Variants in SULF1 observed in about 807,000 individuals in gnomAD.
SULF1 encodes sulfatase 1.
Under a neutral mutation model 110.5 loss-of-function variants are expected in SULF1, and 46 were observed. That is an observed-to-expected ratio of 0.42 (90% CI 0.33 to 0.53). The LOEUF (loss-of-function observed/expected upper bound fraction) is 0.53, where lower values mean the gene tolerates loss of function less well. Ranked by LOEUF, SULF1 falls within the 20% of genes least tolerant of loss-of-function variation. SULF1 has a pLI of 0.12. For missense variants in SULF1, 941 were observed against 1,094.2 expected, an observed-to-expected ratio of 0.86 and a Z score of 1.98; for synonymous variants, 371 against 387.1, an observed-to-expected ratio of 0.96 and a Z score of 0.49.
chr8:69,625,067 C>CA (rs1809896074), intron 15 of SULF1, among the ~76,000 whole-genome samples: 1 of 152,160 alleles, frequency 6.6e-6, no homozygotes, highest in African/African-American at 2.4e-5. Flanking sequence ...CCCCACATCC[C>CA]ACCTACTGTC....
At chr8:69,612,513 A>ATTGTTTTGAT (rs1808743104) in intron 13 of SULF1, among the ~76,000 whole-genome samples, 1 of 151,442 alleles carries the variant, frequency 6.6e-6, no homozygotes, top group Non-Finnish European at 1.5e-5. Flanking sequence ...GCCAACATCT[A>ATTGTTTTGAT]TTGTTTTGTT....
intron 2 of SULF1, among the ~76,000 whole-genome samples, chr8:69,500,416 G>A (rs1046158852): frequency 6.6e-6 from 1 of 152,076 alleles, no homozygotes; most frequent in African/African-American, 2.4e-5. Context: ...CTGGTATTCC[G>A]GCATCTCATT....
At chr8:69,633,130 G>A (rs994720409) in intron 19 of SULF1, among the ~76,000 whole-genome samples, 11 of 152,092 alleles carry the variant, frequency 7.2e-5, no homozygotes, top group African/African-American at 2.7e-4. Flanking sequence ...ATATTCTTTG[G>A]AGGTCCAAAA....
At chr8:69,617,711 C>T (rs370778615) in intron 13 of SULF1, among the ~76,000 whole-genome samples, 7 of 151,902 alleles carry the variant, frequency 4.6e-5, no homozygotes, top group African/African-American at 1.7e-4. Context: ...ATGAACAGGC[C>T]GCATGCAGTT....
At chr8:69,549,896 C>T (rs1266509024) in intron 3 of SULF1, among the ~76,000 whole-genome samples, 1 of 152,040 alleles carries the variant, frequency 6.6e-6, no homozygotes, top group Non-Finnish European at 1.5e-5. Flanking sequence ...CCAGTGCACT[C>T]TCTCACCCAG....
intron 12 of SULF1, 99 bp from the exon 13 acceptor site, chr8:69,604,704 T>C: frequency 6.8e-7 from 1 of 1,468,410 alleles, no homozygotes; most frequent in Non-Finnish European, 9.3e-7. Context: ...TTAAAGAATG[T>C]GGAGTCATGT....
At chr8:69,500,804 G>A (rs917705813) in intron 2 of SULF1, among the ~76,000 whole-genome samples, 9 of 152,116 alleles carry the variant, frequency 5.9e-5, no homozygotes, top group Non-Finnish European at 1.3e-4. Flanking sequence ...TAGCGGCGGC[G>A]GAGTTTCACT....
At chr8:69,531,089 C>A (rs1287387037) in intron 3 of SULF1, among the ~76,000 whole-genome samples, 1 of 152,102 alleles carries the variant, frequency 6.6e-6, no homozygotes, top group Non-Finnish European at 1.5e-5. Flanking sequence ...GATCAAGAGA[C>A]ATATTTGGGA....
chr8:69,660,068 GCTCT>G lies in SULF1; in HGVS notation c.*1538_*1541del, dbSNP rs1813010344. The G allele has an allele frequency of 6.6e-6, 1 of 152,548 alleles. No homozygotes were observed. The highest frequency in any genetic ancestry group is 1.5e-5 in the Non-Finnish European group (1 of 68,014). 9.4% of individuals were successfully genotyped at this position (152,548 alleles called of 1,614,324 possible). Reference sequence around the variant, plus strand: ...TAAGTAAACAAAATGAAGATTGCCTGCTCTCTCTGTGCCTAGCCTCAAAGCGTTC... The same window carrying G: ...TAAGTAAACAAAATGAAGATTGCCTGCTCTGTGCCTAGCCTCAAAGCGTTC... On this transcript the variant is annotated 3_prime_UTR_variant, in exon 23 of 23. Coordinates refer to ENST00000402687, the MANE Select transcript of SULF1 (RefSeq NM_001128205.2).
At chr8:69,619,660 C>G (rs1001378908) in intron 13 of SULF1, among the ~76,000 whole-genome samples, 7 of 152,200 alleles carry the variant, frequency 4.6e-5, no homozygotes, top group African/African-American at 1.7e-4. Flanking sequence ...AGCAGCATGC[C>G]CACTCTCTGC....
At chr8:69,591,565 A>C (rs1403608983) in intron 8 of SULF1, among the ~76,000 whole-genome samples, 1 of 150,524 alleles carries the variant, frequency 6.6e-6, no homozygotes, top group African/African-American at 2.4e-5. Flanking sequence ...CTCTGTCTTA[A>C]AAAAAAAAAC....
At chr8:69,595,989 A>G (rs1807288751) in intron 8 of SULF1, among the ~76,000 whole-genome samples, 1 of 152,190 alleles carries the variant, frequency 6.6e-6, no homozygotes, top group Admixed American at 6.5e-5. Context: ...CGTGTCAGTA[A>G]GCAATACCGG....
intron 19 of SULF1, among the ~76,000 whole-genome samples, chr8:69,631,123 A>AG (rs1810507821): frequency 6.6e-6 from 1 of 152,104 alleles, no homozygotes; most frequent in African/African-American, 2.4e-5. Context: ...TCCCTGTGGG[A>AG]GGGAGCGTGT....
intron 3 of SULF1, among the ~76,000 whole-genome samples, chr8:69,503,407 C>G (rs577701451): frequency 6.6e-6 from 1 of 152,266 alleles, no homozygotes; most frequent in African/African-American, 2.4e-5. Context: ...AGTTAGGTCT[C>G]CTTACTTCAA....
intron 18 of SULF1, 74 bp from the exon 19 acceptor site, chr8:69,629,430 T>C: frequency 2.7e-6 from 4 of 1,461,400 alleles, no homozygotes; most frequent in Middle Eastern, 1.8e-4. Context: ...TGTGCAAGAC[T>C]CACAGCAACA....
rs752040 is a variant in SULF1 at position 69,601,620 on chromosome 8, A to G, written c.886-34A>G. The G allele has an allele frequency of 0.7, 1,089,701 of 1,561,742 alleles. 381,311 individuals are homozygous for G. Among genetic ancestry groups the G allele is most frequent in the South Asian group, 0.79 (65,613 of 82,630 alleles). On this transcript the variant is annotated intron_variant, in intron 9 of 22. Coordinates refer to ENST00000402687, the MANE Select transcript of SULF1 (RefSeq NM_001128205.2). ...TTGAGCATCATCTTATACCAGCACA[A>G]TTGATTCTGACTTGTTCCTTTGCTG...
chr8:69,588,824 G>C, intron 7 of SULF1, 148 bp from the exon 8 acceptor site: 1 of 575,806 alleles, frequency 1.7e-6, no homozygotes, highest in East Asian at 3.1e-5. Context: ...GAAAATGTTC[G>C]GCTGCCTTGG....
chr8:69,605,519 C>G (rs1045690108), intron 13 of SULF1, among the ~76,000 whole-genome samples: 21 of 152,010 alleles, frequency 1.4e-4, no homozygotes, highest in African/African-American at 5.1e-4. Flanking sequence ...TACTATAGAC[C>G]CCAGAGCTAC....
At position 69,586,491 on chromosome 8, in the gene SULF1, G is replaced by C. The variant is rs775987496; in HGVS notation, c.547G>C (p.Gly183Arg). Residue 183 changes from glycine (G) to arginine (R), a missense_variant, in exon 7 of 23, where the codon GGA (glycine) becomes CGA (arginine). Physicochemically the swap from Gly to Arg is moderately radical, Grantham distance 125. Around this residue, in one of 3 missense-constraint regions of SULF1, gnomAD observed 822 missense variants for 934.3 expected, o/e 0.88. Coordinates refer to ENST00000402687, the MANE Select transcript of SULF1 (RefSeq NM_001128205.2). The stretch of plus-strand genomic sequence containing the variant: ...TCGCAATGGCATCAAAGAAAAGCAT[G>C]GATTTGATTATGCAAAGGTAATTTT... ...VCRNGIKEKH[G>R]FDYAKDYFTD... 2.5e-6 allele frequency: 4 copies of C among 1,609,576 alleles called. No homozygotes were observed. In the African/African-American group the frequency reaches 4.0e-5, roughly 16 times the overall value.
Sources: allele counts gnomAD v4.1 joint callset (sites outside exome capture counted in the v4.1 genomes callset), GRCh38; gene constraint gnomAD v4.1.1; regional missense constraint gnomAD v4.1.1; transcripts MANE v1.5; gene names NCBI Gene and HGNC (gene_info 2026-07-23, HGNC 2026-07-21).